PCSK2: variants seen among roughly 807,000 people sequenced by gnomAD.
The protein encoded by PCSK2 is proprotein convertase subtilisin/kexin type 2.
PCSK2 carries 14 observed loss-of-function variants against 69.7 expected under a neutral mutation model. That is an observed-to-expected ratio of 0.20 (90% CI 0.13 to 0.31). The LOEUF (loss-of-function observed/expected upper bound fraction) is 0.31. Ranked by LOEUF, PCSK2 falls within the 10% of genes least tolerant of loss-of-function variation. PCSK2 has a pLI of 1.00. For synonymous variants in PCSK2, 307 were observed against 320.7 expected (o/e 0.96, Z 0.46); for missense variants, 544 against 842.5 (o/e 0.65, Z 4.39).
At chr20:17,331,198 C>T (rs73900212) in intron 2 of PCSK2, among the ~76,000 whole-genome samples, 1 of 152,108 alleles carries the variant, frequency 6.6e-6, no homozygotes, top group Admixed American at 6.5e-5. Flanking sequence ...CTCTTCCAGC[C>T]CACTCCTTGT....
At chr20:17,285,708 AC>A (rs533249018) in intron 2 of PCSK2, among the ~76,000 whole-genome samples, 75 of 152,150 alleles carry the variant, frequency 4.9e-4, no homozygotes, top group Non-Finnish European at 1.6e-4. Flanking sequence ...ACATGTACAA[AC>A]CCTGGATGGG....
intron 2 of PCSK2, among the ~76,000 whole-genome samples, chr20:17,269,051 G>A (rs1600430271): frequency 6.6e-6 from 1 of 152,222 alleles, no homozygotes; most frequent in East Asian, 1.9e-4. Flanking sequence ...GATGGTGAGA[G>A]GAGCAGGTTG....
chr20:17,249,243 A>G (rs948842750), intron 1 of PCSK2, among the ~76,000 whole-genome samples: 9 of 152,186 alleles, frequency 5.9e-5, no homozygotes, highest in African/African-American at 1.9e-4. Flanking sequence ...GCGGTGGCTC[A>G]CGCCTGTAAT....
intron 2 of PCSK2, among the ~76,000 whole-genome samples, chr20:17,352,502 CAT>C (rs2030026380): frequency 6.6e-6 from 1 of 152,132 alleles, no homozygotes; most frequent in Non-Finnish European, 1.5e-5. Flanking sequence ...AAAACAGACA[CAT>C]AGAACAATGG....
chr20:17,447,472 T>C (rs1392689997), intron 8 of PCSK2, among the ~76,000 whole-genome samples: 1 of 152,196 alleles, frequency 6.6e-6, no homozygotes, highest in Non-Finnish European at 1.5e-5. Context: ...AAACTATTTT[T>C]AAGAAATGAC....
At chr20:17,253,567 T>C (rs1481343576) in intron 1 of PCSK2, among the ~76,000 whole-genome samples, 2 of 152,238 alleles carry the variant, frequency 1.3e-5, no homozygotes, top group East Asian at 1.9e-4. Flanking sequence ...AGAAATAATA[T>C]TCCATTGTAC....
intron 2 of PCSK2, among the ~76,000 whole-genome samples, chr20:17,319,145 T>C (rs1989787022): frequency 1.3e-5 from 2 of 152,322 alleles, no homozygotes; most frequent in Admixed American, 6.5e-5. Flanking sequence ...ATACCTGGGC[T>C]CCTATAATTC....
chr20:17,274,506 A>G (rs1437172603), intron 2 of PCSK2, among the ~76,000 whole-genome samples: 2 of 152,164 alleles, frequency 1.3e-5, no homozygotes, highest in Admixed American at 1.3e-4. Context: ...CTCCTTCCTC[A>G]GAGAAGCTAA....
At chr20:17,447,527 G>C (rs942309262) in intron 8 of PCSK2, among the ~76,000 whole-genome samples, 1 of 152,140 alleles carries the variant, frequency 6.6e-6, no homozygotes, top group Non-Finnish European at 1.5e-5. Context: ...GAGTTCTCAT[G>C]CACTGCTGGT....
intron 5 of PCSK2, among the ~76,000 whole-genome samples, chr20:17,399,462 A>G (rs2031587253): frequency 6.6e-6 from 1 of 152,252 alleles, no homozygotes; most frequent in African/African-American, 2.4e-5. Context: ...AGCAACTAAT[A>G]TTCCATGACA....
At chr20:17,460,133 T>C (rs1212558224) in intron 10 of PCSK2, among the ~76,000 whole-genome samples, 1 of 152,048 alleles carries the variant, frequency 6.6e-6, no homozygotes, top group Non-Finnish European at 1.5e-5. Flanking sequence ...ACTTTCATGT[T>C]CTCTAGACGT....
chr20:17,281,266 C>T lies in PCSK2; in HGVS notation c.282+20922C>T, dbSNP rs774643730. ...TAGGCTTCTCCCTTATCGACAATGA[C>T]CCCATACCTAACTTCAGCCTTCCTG... On this transcript the variant is annotated intron_variant, in intron 2 of 11. Coordinates refer to ENST00000262545, the MANE Select transcript of PCSK2 (RefSeq NM_002594.5). 1.1e-4 allele frequency among the ~76,000 whole-genome samples: 17 copies of T among 152,306 alleles called. No homozygotes were observed. The South Asian group carries it at 2.7e-3, about 24-fold the overall frequency.
intron 6 of PCSK2, among the ~76,000 whole-genome samples, chr20:17,416,077 A>G (rs1190370601): frequency 6.6e-6 from 1 of 152,256 alleles, no homozygotes; most frequent in Non-Finnish European, 1.5e-5. Context: ...AAACCCTAGA[A>G]GAAAACCTAG....
chr20:17,247,314 C>G (rs948782981), intron 1 of PCSK2, among the ~76,000 whole-genome samples: 1 of 152,166 alleles, frequency 6.6e-6, no homozygotes, highest in African/African-American at 2.4e-5. Context: ...AAATGCAGAG[C>G]TTATCCCTGT....
chr20:17,347,817 AAAG>A (rs1990693604), intron 2 of PCSK2, among the ~76,000 whole-genome samples: 1 of 142,368 alleles, frequency 7.0e-6, no homozygotes, highest in African/African-American at 2.6e-5. Flanking sequence ...AGAAAGAAAG[AAAG>A]AAAGAAAGAA....
At chr20:17,303,471 TTA>T (rs1186479395) in intron 2 of PCSK2, among the ~76,000 whole-genome samples, 23 of 48,998 alleles carry the variant, frequency 4.7e-4, no homozygotes, top group Admixed American at 1.0e-3. Flanking sequence ...ATAATATATA[TTA>T]TATATAATAT....
intron 2 of PCSK2, among the ~76,000 whole-genome samples, chr20:17,261,808 C>T (rs1312312817): frequency 2.6e-5 from 4 of 152,244 alleles, no homozygotes; most frequent in Non-Finnish European, 5.9e-5. Flanking sequence ...AACCCTATGC[C>T]ATAACCTTGC....
At chr20:17,339,072 C>A (rs1166272429) in intron 2 of PCSK2, among the ~76,000 whole-genome samples, 1 of 152,184 alleles carries the variant, frequency 6.6e-6, no homozygotes, top group East Asian at 1.9e-4. Flanking sequence ...ATTACTATAA[C>A]AAGACCCTCC....
intron 6 of PCSK2, among the ~76,000 whole-genome samples, chr20:17,420,213 T>C (rs1236522304): frequency 6.6e-6 from 1 of 152,202 alleles, no homozygotes; most frequent in Non-Finnish European, 1.5e-5. Flanking sequence ...AAAGGCCCTC[T>C]CTGGTTGGCT....
Sources: allele counts gnomAD v4.1 joint callset (sites outside exome capture counted in the v4.1 genomes callset), GRCh38; gene constraint gnomAD v4.1.1; transcripts MANE v1.5; gene names NCBI Gene and HGNC (gene_info 2026-07-23, HGNC 2026-07-21).